Variants in TPPP2 observed in about 807,000 individuals in gnomAD.
TPPP2 encodes tubulin polymerization promoting protein family member 2.
In TPPP2, 8 loss-of-function variants were observed where a neutral mutation model predicts 13.0. The ratio of observed to expected loss-of-function variants is 0.62; its 90% CI spans 0.36 to 1.11. TPPP2 has a LOEUF of 1.11. Among genes scored for constraint, TPPP2 ranks in the 50% most tolerant of loss-of-function variants. TPPP2 has a pLI of 0.02. For missense variants in TPPP2, 213 were observed against 216.9 expected (o/e 0.98, Z 0.11); for synonymous variants, 81 against 81.8 (o/e 0.99, Z 0.05).
chr14:21,024,988 C>T, intron 1 of TPPP2: 3 of 985,664 alleles, frequency 3.0e-6, no homozygotes, highest in Non-Finnish European at 3.6e-6. Flanking sequence ...CCGGCTGGCG[C>T]CTTCCAGGCC....
chr14:21,032,978 G>A (rs764642091), downstream of TPPP2: 133 of 456,004 alleles, frequency 2.9e-4, no homozygotes, highest in Non-Finnish European at 4.4e-4. Context: ...ATTAGAGCCG[G>A]GCCTGCCTCA....
Position 21,030,321 on chromosome 14 carries a change from G to C in TPPP2, c.-70+17G>C, listed in dbSNP as rs1412145890. Reference sequence around the variant, plus strand: ...TACTCTAAGGTACATAAAAGAGGTAGGGGAAAGAGAGGATCATTCAGTAGG... The same window carrying C: ...TACTCTAAGGTACATAAAAGAGGTACGGGAAAGAGAGGATCATTCAGTAGG... On this transcript the variant is annotated intron_variant, in intron 1 of 3. Coordinates refer to ENST00000321760, the MANE Select transcript of TPPP2 (RefSeq NM_173846.5). The C allele has an allele frequency of 4.3e-6, 2 of 460,962 alleles. No individual in the cohort carries two copies. Among genetic ancestry groups the C allele is most frequent in the Non-Finnish European group, 7.9e-6 (2 of 253,226 alleles). 28.6% of individuals were successfully genotyped at this position (460,962 alleles called of 1,614,324 possible).
chr14:21,030,761 A>G lies in TPPP2; in HGVS notation c.173+7A>G. 6.2e-7 allele frequency: 1 copy of G among 1,613,026 alleles called. No individual in the cohort carries two copies. ...TCGTGTTCAGCAAAGTCAAGTGAGG[A>G]GCCAAAAATATGGAGGTGGGGGTGA... On this transcript the variant is annotated splice_region_variant and intron_variant, in intron 2 of 3. Transcript: ENST00000321760.
downstream of TPPP2, chr14:21,032,894 G>T: frequency 4.4e-6 from 2 of 454,142 alleles, no homozygotes; most frequent in South Asian, 3.1e-5. Context: ...GAGGGGGCTC[G>T]TGTGCCCTTC....
downstream of TPPP2, among the ~76,000 whole-genome samples, chr14:21,034,461 G>A (rs1309874515): frequency 6.6e-6 from 1 of 152,164 alleles, no homozygotes; most frequent in African/African-American, 2.4e-5. Flanking sequence ...AGGCCACCCA[G>A]ACAACCAGCC....
chr14:21,032,988 A>T, downstream of TPPP2: 1 of 456,086 alleles, frequency 2.2e-6, no homozygotes, highest in Admixed American at 2.3e-5. Context: ...GGCCTGCCTC[A>T]TTCGCTGCCT....
chr14:21,030,542 A>G lies in TPPP2; in HGVS notation c.-40A>G. The G allele has an allele frequency of 3.8e-6, 6 of 1,598,366 alleles. 1 individual carries two copies. The highest frequency in any genetic ancestry group is 4.3e-6 in the Non-Finnish European group (5 of 1,171,342). On this transcript the variant is annotated 5_prime_UTR_variant, in exon 2 of 4. Transcript: ENST00000321760. ...CCCTCCCCCTTCTCCTTCACCCCCA[A>G]GTGTCTCCCACGACTGCCCTCCCCG...
At chr14:21,027,095 G>T (rs536006471), upstream of TPPP2, among the ~76,000 whole-genome samples, 3 of 152,326 alleles carry the variant, frequency 2.0e-5, no homozygotes, top group Middle Eastern at 6.8e-3. Context: ...ACGCAGGGGC[G>T]CAGGGCAGGC....
chr14:21,035,392 C>T (rs7150205), downstream of TPPP2, among the ~76,000 whole-genome samples: 68,753 of 151,992 alleles, frequency 0.45, 16,471 homozygotes, highest in African/African-American at 0.61. Context: ...GAGTGGTTTG[C>T]CATGCTGGGG....
At chr14:21,031,813 G>T (rs1884191834) in intron 3 of TPPP2, 79 bp from the exon 4 acceptor site, 3 of 1,482,822 alleles carry the variant, frequency 2.0e-6, no homozygotes, top group Non-Finnish European at 2.7e-6. Context: ...CTTGTTCTAA[G>T]TATCTCGGGC....
chr14:21,031,123 T>C lies in TPPP2; in HGVS notation c.285T>C (p.Tyr95=). The C allele has an allele frequency of 1.2e-6, 2 of 1,614,156 alleles. No homozygotes were observed. Among genetic ancestry groups the C allele is most frequent in the Non-Finnish European group, 1.7e-6 (2 of 1,180,012 alleles). ...CAGATGAAGTCCTGGAGAACATTTA[T>C]GGACTCATGGAGGGCAAAGACCCAG... ...KSPDEVLENI[Y]GLMEGKDPAT... is the part of the protein sequence containing the mutation. Residue 95 remains tyrosine, a synonymous_variant, in exon 3 of 4, where the codon TAT becomes TAC. Transcript: ENST00000321760.
downstream of TPPP2, chr14:21,034,135 AATAGCCCCGG>A (rs753406274): frequency 3.1e-6 from 5 of 1,614,236 alleles, no homozygotes; most frequent in South Asian, 3.3e-5. Flanking sequence ...AGACCATTAC[AATAGCCCCGG>A]AAACCCTTTG....
At chr14:21,034,475 T>C (rs1884483702), downstream of TPPP2, among the ~76,000 whole-genome samples, 1 of 152,184 alleles carries the variant, frequency 6.6e-6, no homozygotes, top group African/African-American at 2.4e-5. Context: ...ACCAGCCACC[T>C]TCAGCCAGCC....
Position 21,030,662 on chromosome 14 carries a change from C to G in TPPP2, c.81C>G (p.Asn27Lys). ...ESSSSGTEMN[N>K]KNFSKLCKDC... ...CAAGCAGTGGCACTGAAATGAACAACAAGAACTTCTCCAAGCTGTGCAAAG... is the reference window on the plus strand; with the variant it reads ...CAAGCAGTGGCACTGAAATGAACAAGAAGAACTTCTCCAAGCTGTGCAAAG... The change falls in exon 2 of 4, where the codon AAC (asparagine) becomes AAG (lysine). Residue 27 changes from asparagine (N) to lysine (K), a missense_variant. Coordinates refer to ENST00000321760, the MANE Select transcript of TPPP2 (RefSeq NM_173846.5). 6.2e-7 allele frequency: 1 copy of G among 1,614,126 alleles called. No individual in the cohort carries two copies. Among genetic ancestry groups the G allele is most frequent in the South Asian group, 1.1e-5 (1 of 91,050 alleles).
Position 21,025,011 on chromosome 14 carries a change from GC to G in TPPP2, n.236+669del, listed in dbSNP as rs1188040427. ...CGCCTTCCAGGCCCTACGGCCCCTC[GC>G]CTGCCCCTCCCCCTACCTGCTGCCG... On this transcript the variant is annotated intron_variant and non_coding_transcript_variant, in intron 1 of 1. Transcript: ENST00000533755. This position sits in a 1 kb window ranked among gnomAD's most constrained non-coding sequence, Gnocchi z 5.1. 1 of 984,496 alleles carries G rather than the reference GC, an allele frequency of 1.0e-6. No individual in the cohort carries two copies. The allele number at this position is 984,496 out of a possible 1,614,324, so 61.0% of individuals were successfully genotyped here.
chr14:21,025,868 A>T (rs1466419282), upstream of TPPP2: 3 of 141,746 alleles, frequency 2.1e-5, no homozygotes, highest in Non-Finnish European at 1.4e-5. The surrounding 1 kb of genome is among the most constrained non-coding windows in gnomAD (Gnocchi z 5.1). Flanking sequence ...GGCGCGGGGG[A>T]GGGGCCGGGG....
At chr14:21,032,857 T>A (rs1176883423), downstream of TPPP2, 1 of 438,242 alleles carries the variant, frequency 2.3e-6, no homozygotes, top group African/African-American at 2.0e-5. Context: ...GATTATGGGT[T>A]GACAGGAAGT....
chr14:21,033,168 G>T, downstream of TPPP2: 1 of 370,468 alleles, frequency 2.7e-6, no homozygotes, highest in Non-Finnish European at 5.3e-6. Context: ...GGGTGACTAC[G>T]GTTGTTGGGA....
At chr14:21,029,812 C>A (rs1883938803), upstream of TPPP2, among the ~76,000 whole-genome samples, 1 of 152,104 alleles carries the variant, frequency 6.6e-6, no homozygotes, top group Non-Finnish European at 1.5e-5. Flanking sequence ...GGAAAGCAGC[C>A]CTCACCAAAC....
Sources: gnomAD v4.1 joint callset for allele counts (sites outside exome capture counted in the v4.1 genomes callset) on GRCh38, gnomAD v4.1.1 for gene constraint, Gnocchi (gnomAD v3.1) non-coding constraint, MANE v1.5 for transcripts, NCBI Gene and HGNC (gene_info 2026-07-23, HGNC 2026-07-21) for gene names.